DAB1: variants seen among roughly 807,000 people sequenced by gnomAD.
DAB1 encodes the protein DAB adaptor protein 1, also known as disabled homolog 1.
DAB1 carries 15 observed loss-of-function variants against 64.6 expected under a neutral mutation model. The ratio of observed to expected loss-of-function variants is 0.23; its 90% CI spans 0.16 to 0.36. DAB1 has a LOEUF of 0.36. Among genes scored for constraint, DAB1 ranks in the 10% least tolerant of loss-of-function variants. The probability of loss-of-function intolerance (pLI) is 1.00; values close to 1 mark genes in which losing one functional copy is unlikely to be tolerated. For missense variants in DAB1, 596 were observed against 706.7 expected (o/e 0.84, Z 1.78); for synonymous variants, 235 against 251.9 (o/e 0.93, Z 0.64).
At chr1:57,106,403 T>A (rs1352072374) in intron 4 of DAB1, among the ~76,000 whole-genome samples, 2 of 152,144 alleles carry the variant, frequency 1.3e-5, no homozygotes, top group Non-Finnish European at 2.9e-5. Context: ...TTTAAATGCT[T>A]CATCACAGAT....
chr1:57,377,886 A>T (rs1467701065), intron 1 of DAB1, among the ~76,000 whole-genome samples: 4 of 152,184 alleles, frequency 2.6e-5, no homozygotes, highest in Non-Finnish European at 5.9e-5. Context: ...AGGAGCAGTT[A>T]TAGAATCTAA....
At chr1:57,563,464 C>A (rs1645077278) in intron 7 of DAB1, among the ~76,000 whole-genome samples, 1 of 152,074 alleles carries the variant, frequency 6.6e-6, no homozygotes, top group Non-Finnish European at 1.5e-5. Context: ...GTGCAGCCCA[C>A]CAAGCATGAG....
At chr1:57,830,973 G>A (rs886811245) in intron 1 of DAB1, among the ~76,000 whole-genome samples, 1 of 151,898 alleles carries the variant, frequency 6.6e-6, no homozygotes, top group Non-Finnish European at 1.5e-5. Context: ...GAGTGCAGTG[G>A]TGCAATCTCG....
At chr1:57,304,458 A>C (rs1222297744) in intron 1 of DAB1, among the ~76,000 whole-genome samples, 1 of 152,118 alleles carries the variant, frequency 6.6e-6, no homozygotes, top group Non-Finnish European at 1.5e-5. Flanking sequence ...GACAAAGAAA[A>C]GCCATGAGCA....
At chr1:57,755,200 A>C (rs1185716036) in intron 6 of DAB1, among the ~76,000 whole-genome samples, 2 of 152,022 alleles carry the variant, frequency 1.3e-5, no homozygotes, top group African/African-American at 4.8e-5. Context: ...TTTTAGGCCC[A>C]GTTTGTCAAT....
chr1:58,024,981 G>T (rs1646868197), intron 5 of DAB1, among the ~76,000 whole-genome samples: 1 of 152,050 alleles, frequency 6.6e-6, no homozygotes, highest in African/African-American at 2.4e-5. Context: ...AATTGCATGA[G>T]TCAATTCCTT....
intron 7 of DAB1, among the ~76,000 whole-genome samples, chr1:57,596,562 A>G (rs1645512676): frequency 6.6e-6 from 1 of 152,004 alleles, no homozygotes; most frequent in East Asian, 1.9e-4. Context: ...GGGCTAGAGC[A>G]GTGTAGGAGT....
At chr1:57,439,436 T>TTTTTG (rs1685843557) in intron 7 of DAB1, among the ~76,000 whole-genome samples, 2 of 136,038 alleles carry the variant, frequency 1.5e-5, no homozygotes, top group African/African-American at 2.9e-5. Flanking sequence ...TTTTTTTTTT[T>TTTTTG]TTTTTTTTTT....
chr1:57,286,554 T>G (rs1199536917), intron 2 of DAB1, among the ~76,000 whole-genome samples: 5 of 152,236 alleles, frequency 3.3e-5, no homozygotes, highest in African/African-American at 1.2e-4. Context: ...TATGCATGGT[T>G]ACTTTGTCCT....
intron 3 of DAB1, among the ~76,000 whole-genome samples, chr1:58,412,062 T>A (rs1644677417): frequency 6.6e-6 from 1 of 152,132 alleles, no homozygotes; most frequent in Admixed American, 6.5e-5. Flanking sequence ...TAGTAATGGG[T>A]TCAGGGATGG....
chr1:58,268,521 G>C (rs983807423), intron 4 of DAB1, among the ~76,000 whole-genome samples: 3 of 152,124 alleles, frequency 2.0e-5, no homozygotes, highest in Non-Finnish European at 4.4e-5. Flanking sequence ...CCTGGCATTT[G>C]TTTCTAAATA....
intron 8 of DAB1, 66 bp from the exon 9 acceptor site, chr1:57,063,009 AC>A: frequency 8.4e-6 from 12 of 1,433,960 alleles, no homozygotes; most frequent in Non-Finnish European, 1.2e-5. Flanking sequence ...GAACAAAGCA[AC>A]CAGACTTCAA....
chr1:58,150,686 G>GT (rs1654874905), intron 4 of DAB1: 1 of 151,166 alleles, frequency 6.6e-6, no homozygotes, highest in South Asian at 2.1e-4. Context: ...TAAGACCATA[G>GT]TTTTTTGGTT....
intron 7 of DAB1, among the ~76,000 whole-genome samples, chr1:57,610,416 A>T (rs1645712007): frequency 6.6e-6 from 1 of 152,190 alleles, no homozygotes; most frequent in Non-Finnish European, 1.5e-5. Context: ...TGTACAGATA[A>T]GGAAATAAGA....
At chr1:57,272,060 A>T (rs987442310) in intron 2 of DAB1, among the ~76,000 whole-genome samples, 45 of 152,334 alleles carry the variant, frequency 3.0e-4, no homozygotes, top group African/African-American at 1.1e-3. Context: ...AAAAGAGCAA[A>T]GATAAATAAC....
chr1:57,332,477 GGTAGA>G (rs1165832939), intron 1 of DAB1, among the ~76,000 whole-genome samples: 2 of 151,992 alleles, frequency 1.3e-5, no homozygotes, highest in African/African-American at 4.8e-5. Flanking sequence ...GTTTAGTTTC[GGTAGA>G]GTAATCATTT....
At chr1:58,433,238 C>T (rs1415544498) in intron 3 of DAB1, among the ~76,000 whole-genome samples, 1 of 152,024 alleles carries the variant, frequency 6.6e-6, no homozygotes, top group Admixed American at 6.6e-5. Context: ...ACAAAAAGCC[C>T]TATGAGTAAA....
At chr1:57,126,893 G>GA (rs1323753680) in intron 4 of DAB1, among the ~76,000 whole-genome samples, 2 of 152,056 alleles carry the variant, frequency 1.3e-5, no homozygotes, top group African/African-American at 4.8e-5. Flanking sequence ...ACTAAAAGAC[G>GA]AATTTCACTA....
chr1:58,236,690 A>G (rs1364577766), intron 4 of DAB1, among the ~76,000 whole-genome samples: 1 of 152,214 alleles, frequency 6.6e-6, no homozygotes, highest in Non-Finnish European at 1.5e-5. Context: ...CAGGAAAAGC[A>G]AGAGGCAGTG....
Sources: gnomAD v4.1 joint callset for allele counts (sites outside exome capture counted in the v4.1 genomes callset) on GRCh38, gnomAD v4.1.1 for gene constraint, MANE v1.5 for transcripts, NCBI Gene and HGNC (gene_info 2026-07-23, HGNC 2026-07-21) for gene names.